Variants in DPP6 observed in about 807,000 individuals in gnomAD.
DPP6 encodes dipeptidyl peptidase like 6.
In DPP6, 69 loss-of-function variants were observed where a neutral mutation model predicts 122.6. The ratio of observed to expected loss-of-function variants is 0.56; its 90% CI spans 0.46 to 0.69. The LOEUF (loss-of-function observed/expected upper bound fraction) is 0.69. Among genes scored for constraint, DPP6 ranks in the 30% least tolerant of loss-of-function variants. The probability of loss-of-function intolerance (pLI) is 0.00; values close to 1 mark genes in which losing one functional copy is unlikely to be tolerated. For synonymous variants in DPP6, 418 were observed against 433.1 expected (o/e 0.97, Z 0.43); for missense variants, 928 against 1,116.9 (o/e 0.83, Z 2.41).
At chr7:154,401,720 T>C (rs1193077250) in intron 1 of DPP6, among the ~76,000 whole-genome samples, 1 of 152,114 alleles carries the variant, frequency 6.6e-6, no homozygotes, top group South Asian at 2.1e-4. Context: ...CCAAAAGCAA[T>C]GGCAACCAAA....
chr7:153,758,530 C>T, the DPP6 span, among the ~76,000 whole-genome samples: 1 of 152,158 alleles, frequency 6.6e-6, no homozygotes, highest in African/African-American at 2.4e-5. Context: ...AATTCCACTA[C>T]CTTTTTCCAT....
At chr7:153,858,616 A>G in the DPP6 span, among the ~76,000 whole-genome samples, 1 of 152,176 alleles carries the variant, frequency 6.6e-6, no homozygotes, top group Admixed American at 6.5e-5. Context: ...GTGAAAGCTG[A>G]TTCACAAGTA....
At chr7:153,859,115 G>A in the DPP6 span, among the ~76,000 whole-genome samples, 2 of 152,206 alleles carry the variant, frequency 1.3e-5, no homozygotes, top group Non-Finnish European at 2.9e-5. Context: ...CAACAGCAAT[G>A]ATGAACAAAA....
intron 1 of DPP6, among the ~76,000 whole-genome samples, chr7:154,021,828 G>A (rs555540732): frequency 1.1e-4 from 17 of 152,290 alleles, no homozygotes; most frequent in Non-Finnish European, 2.4e-4. Flanking sequence ...CAAAGAGATT[G>A]GATGACACCC....
chr7:154,303,879 C>T (rs770677328), intron 1 of DPP6, among the ~76,000 whole-genome samples: 1 of 152,132 alleles, frequency 6.6e-6, no homozygotes, highest in Non-Finnish European at 1.5e-5. Context: ...GCCCACAGTG[C>T]CTTGCATTTT....
chr7:153,933,990 A>G (rs1801304556), intron 1 of DPP6, among the ~76,000 whole-genome samples: 1 of 152,226 alleles, frequency 6.6e-6, no homozygotes, highest in African/African-American at 2.4e-5. Flanking sequence ...ACAACAGCAG[A>G]GTTCAGTTGT....
At chr7:154,761,071 G>C (rs1795518831) in intron 8 of DPP6, among the ~76,000 whole-genome samples, 1 of 152,202 alleles carries the variant, frequency 6.6e-6, no homozygotes, top group Non-Finnish European at 1.5e-5. Flanking sequence ...TTGACCTTAA[G>C]TGATCCACCC....
At chr7:154,125,129 T>C (rs1215144182) in intron 1 of DPP6, among the ~76,000 whole-genome samples, 2 of 152,142 alleles carry the variant, frequency 1.3e-5, no homozygotes, top group African/African-American at 4.8e-5. Context: ...TTTACTAAAA[T>C]GTCACTAGGA....
At chr7:154,827,081 G>T (rs1171077073) in intron 16 of DPP6, among the ~76,000 whole-genome samples, 1 of 151,898 alleles carries the variant, frequency 6.6e-6, no homozygotes, top group Non-Finnish European at 1.5e-5. Flanking sequence ...ACGTTGACAA[G>T]AAGTGTCTGA....
chr7:154,646,006 C>T (rs187112429), intron 6 of DPP6, among the ~76,000 whole-genome samples: 30 of 110,224 alleles, frequency 2.7e-4, no homozygotes, highest in Admixed American at 1.9e-3. Flanking sequence ...CCAGCTCGGG[C>T]GGCAGAGTGA....
rs549938112 is a variant in DPP6, at chr7:154,516,775, T to C, written c.458-23757T>C. Among the ~76,000 whole-genome samples, 6 of 152,338 alleles carry C rather than the reference T, an allele frequency of 3.9e-5. No homozygotes were observed. In the South Asian group the frequency reaches 1.0e-3, roughly 26 times the overall value. On this transcript the variant is annotated intron_variant, in intron 3 of 25. Coordinates refer to ENST00000377770, the MANE Select transcript of DPP6 (RefSeq NM_130797.4). ...AAATCAAATGGTCAAACTTACAAAATCTGCTCTTCTTTCTGAACAGTGATC... is the reference window on the plus strand; with the variant it reads ...AAATCAAATGGTCAAACTTACAAAACCTGCTCTTCTTTCTGAACAGTGATC...
chr7:153,859,630 T>C, the DPP6 span, among the ~76,000 whole-genome samples: 1 of 152,214 alleles, frequency 6.6e-6, no homozygotes, highest in East Asian at 1.9e-4. Flanking sequence ...TGGTACCCAC[T>C]GGATATGGCT....
the DPP6 span, among the ~76,000 whole-genome samples, chr7:153,795,654 T>C: frequency 3.4e-3 from 517 of 152,282 alleles, 5 homozygotes; most frequent in African/African-American, 0.012. Context: ...GATGTTAATT[T>C]GCTTTTCTTT....
intron 10 of DPP6, chr7:154,793,565 T>G (rs1003237521): frequency 6.6e-6 from 1 of 152,546 alleles, no homozygotes; most frequent in Admixed American, 6.5e-5. Flanking sequence ...GTATTTTATC[T>G]TTAAGGAGGA....
At chr7:154,848,036 T>C (rs934465247) in intron 16 of DPP6, among the ~76,000 whole-genome samples, 1 of 152,250 alleles carries the variant, frequency 6.6e-6, no homozygotes, top group African/African-American at 2.4e-5. Flanking sequence ...TTCTCCACTG[T>C]GTATATGTAC....
intron 1 of DPP6, among the ~76,000 whole-genome samples, chr7:154,388,462 C>G (rs1031630825): frequency 6.6e-6 from 1 of 152,164 alleles, no homozygotes. Flanking sequence ...CAAGTCTTCC[C>G]CCCAAAACTC....
intron 1 of DPP6, among the ~76,000 whole-genome samples, chr7:153,977,537 C>T (rs1796369384): frequency 6.6e-6 from 1 of 152,148 alleles, no homozygotes; most frequent in Non-Finnish European, 1.5e-5. Context: ...GCCCCAGCCT[C>T]ATTCTTTCTT....
chr7:154,210,848 CAAAAGA>C (rs1300478332), intron 1 of DPP6, among the ~76,000 whole-genome samples: 1 of 146,084 alleles, frequency 6.8e-6, no homozygotes, highest in African/African-American at 2.4e-5. Flanking sequence ...AAAAAAAAGA[CAAAAGA>C]AAAAGGCAGC....
At chr7:154,171,851 A>G (rs1797548551) in intron 1 of DPP6, among the ~76,000 whole-genome samples, 2 of 152,210 alleles carry the variant, frequency 1.3e-5, no homozygotes, top group Non-Finnish European at 2.9e-5. Context: ...ATGTATAATT[A>G]TGATTGAAAC....
Sources: gnomAD v4.1 joint callset for allele counts (sites outside exome capture counted in the v4.1 genomes callset) on GRCh38, gnomAD v4.1.1 for gene constraint, MANE v1.5 for transcripts, NCBI Gene and HGNC (gene_info 2026-07-23, HGNC 2026-07-21) for gene names.